The following CCDC138 variants were observed in gnomAD, a reference collection of about 807,000 sequenced individuals.
CCDC138 encodes the protein coiled-coil domain-containing protein 138.
Under a neutral mutation model 82.3 loss-of-function variants are expected in CCDC138, and 66 were observed. The ratio of observed to expected loss-of-function variants is 0.80; its 90% CI spans 0.66 to 0.98. The LOEUF (loss-of-function observed/expected upper bound fraction) is 0.98. CCDC138 is among the 50% of genes least tolerant of loss of function. CCDC138 has a pLI of 0.00. For synonymous variants in CCDC138, 297 were observed against 265.4 expected (o/e 1.12, Z -1.16); for missense variants, 816 against 758.9 (o/e 1.08, Z -0.88).
chr2:108,838,276 A>G (rs1167047336), intron 10 of CCDC138, among the ~76,000 whole-genome samples: 3 of 152,222 alleles, frequency 2.0e-5, no homozygotes, highest in Non-Finnish European at 4.4e-5. Context: ...TCTCTCCCCA[A>G]CTGGAAAGGT....
rs3193141 is a variant in CCDC138 at position 108,876,546 on chromosome 2, T to A, written c.*293T>A. 137,178 of 188,828 alleles carry A rather than the reference T, an allele frequency of 0.73. 53,536 individuals carry two copies. Among genetic ancestry groups the A allele is most frequent in the East Asian group, 0.87 (6,897 of 7,928 alleles). The allele number at this position is 188,828 out of a possible 1,614,324, so 11.7% of individuals were successfully genotyped here. On this transcript the variant is annotated 3_prime_UTR_variant, in exon 15 of 15. Transcript: ENST00000295124. ...AAAATTATTTCTTAAAATTATGTGA[T>A]TATTTGGAATAAAATTGGTGCTTAT... is the stretch of plus-strand genomic sequence containing the variant.
intron 6 of CCDC138, among the ~76,000 whole-genome samples, chr2:108,802,010 C>T (rs1200051580): frequency 1.6e-5 from 2 of 124,780 alleles, no homozygotes; most frequent in Non-Finnish European, 3.4e-5. Context: ...GTACCAGTAC[C>T]ATGCTGTTTT....
At chr2:108,843,886 CTTTTTT>C (rs57196170) in intron 11 of CCDC138, among the ~76,000 whole-genome samples, 3 of 94,018 alleles carry the variant, frequency 3.2e-5, no homozygotes, top group Non-Finnish European at 5.7e-5. Flanking sequence ...GTGTTTCTTT[CTTTTTT>C]TTTTTTTTTT....
intron 10 of CCDC138, among the ~76,000 whole-genome samples, chr2:108,819,285 G>A (rs191794850): frequency 1.3e-5 from 2 of 152,246 alleles, no homozygotes; most frequent in East Asian, 1.9e-4. Flanking sequence ...TTCCCCTGCC[G>A]GTATAGCGCA....
chr2:108,836,974 C>T (rs1688670087), intron 10 of CCDC138, among the ~76,000 whole-genome samples: 1 of 151,440 alleles, frequency 6.6e-6, no homozygotes, highest in Non-Finnish European at 1.5e-5. Context: ...ATCTTTAGGA[C>T]TTTCGACATA....
intron 12 of CCDC138, among the ~76,000 whole-genome samples, chr2:108,848,782 T>C (rs4676209): frequency 0.54 from 81,753 of 152,016 alleles, 26,940 homozygotes; most frequent in East Asian, 0.89. Flanking sequence ...ATTTATTTAA[T>C]AAATCAAAAT....
At chr2:108,856,754 C>T (rs1250924163) in intron 12 of CCDC138, 40 bp from the exon 13 acceptor site, 17 of 1,584,276 alleles carry the variant, frequency 1.1e-5, no homozygotes, top group Non-Finnish European at 1.5e-5. Context: ...GACACCTAGA[C>T]TAGCAAAACT....
At chr2:108,809,735 TC>T (rs1683475629) in intron 7 of CCDC138, among the ~76,000 whole-genome samples, 1 of 152,192 alleles carries the variant, frequency 6.6e-6, no homozygotes, top group Non-Finnish European at 1.5e-5. Flanking sequence ...GTGGAGTCTT[TC>T]GGTTTCTTTG....
At position 108,839,925 on chromosome 2, in the gene CCDC138, A is replaced by G. The variant is rs370087296; in HGVS notation, c.1323+624A>G. On this transcript the variant is annotated intron_variant, in intron 11 of 14. Transcript: ENST00000295124. ...GTATGTCGAATATGATGGTGAGAGT[A>G]GTCATCCTTGCCTTGTTTCTCCTCT... 5.9e-5 allele frequency among the ~76,000 whole-genome samples: 9 copies of G among 152,060 alleles called. No homozygotes were observed. In the East Asian group the frequency reaches 7.7e-4, roughly 13 times the overall value.
At chr2:108,846,072 G>T (rs1690420923) in intron 11 of CCDC138, among the ~76,000 whole-genome samples, 1 of 152,060 alleles carries the variant, frequency 6.6e-6, no homozygotes, top group Non-Finnish European at 1.5e-5. Flanking sequence ...ATCAGAGTTA[G>T]CTGAAGGGAC....
chr2:108,787,310 C>T (rs1679023898), intron 1 of CCDC138, among the ~76,000 whole-genome samples: 1 of 152,230 alleles, frequency 6.6e-6, no homozygotes, highest in African/African-American at 2.4e-5. Flanking sequence ...TGTACCCTCA[C>T]TTGCATTCAC....
intron 10 of CCDC138, among the ~76,000 whole-genome samples, chr2:108,834,875 A>G (rs969802756): frequency 3.9e-5 from 6 of 152,242 alleles, no homozygotes; most frequent in Non-Finnish European, 7.3e-5. Context: ...TTGTCACTTG[A>G]AAAGCATTTA....
chr2:108,796,262 G>A (rs1001745284), intron 5 of CCDC138, among the ~76,000 whole-genome samples: 12 of 151,156 alleles, frequency 7.9e-5, no homozygotes, highest in African/African-American at 2.9e-4. Flanking sequence ...CACTGTGTTA[G>A]CCAGGATGGT....
chr2:108,873,603 A>G lies in CCDC138; in HGVS notation c.1832+14A>G. 1 of 1,534,736 alleles carries G rather than the reference A, an allele frequency of 6.5e-7. No individual in the cohort carries two copies. Among genetic ancestry groups the G allele is most frequent in the Non-Finnish European group, 8.9e-7 (1 of 1,121,142 alleles). ...TTCCAAAATCAAGTAAGAATTTCTT[A>G]TTTCTAACATTTTTTATTGAAAAAT... On this transcript the variant is annotated intron_variant, in intron 14 of 14. Transcript: ENST00000295124.
chr2:108,827,334 C>T (rs72934043), intron 10 of CCDC138, among the ~76,000 whole-genome samples: 6,627 of 151,958 alleles, frequency 0.044, 482 homozygotes, highest in African/African-American at 0.15. Context: ...AATGTATTTA[C>T]AATACCAAAT....
rs1269422684 is a variant in CCDC138 at position 108,816,071 on chromosome 2, C to T, written c.1172C>T (p.Ser391Phe). ...DGKKPQLKFA[S>F]QRNDIQEKCV... is the part of the protein sequence containing the mutation. ...AAAAAACCACAACTCAAATTTGCTT[C>T]CCAGAGAAATGATATTCAGGAGAAG... is the stretch of plus-strand genomic sequence containing the variant. Residue 391 changes from serine (S) to phenylalanine (F), a missense_variant, in exon 10 of 15, where the codon TCC becomes TTC. Physicochemically the swap from Ser to Phe is radical, Grantham distance 155. Transcript: ENST00000295124. The T allele has an allele frequency of 6.2e-7, 1 of 1,612,690 alleles. No individual in the cohort carries two copies. Among genetic ancestry groups the T allele is most frequent in the Admixed American group, 1.7e-5 (1 of 59,766 alleles).
chr2:108,794,768 A>G (rs765206329), intron 5 of CCDC138, 47 bp downstream of exon 5: 1 of 1,412,580 alleles, frequency 7.1e-7, no homozygotes, highest in South Asian at 1.3e-5. Context: ...TTTATGTTCT[A>G]AGAACCAAGC....
downstream of CCDC138, among the ~76,000 whole-genome samples, chr2:108,880,472 G>A (rs933009526): frequency 6.6e-6 from 1 of 152,128 alleles, no homozygotes; most frequent in African/African-American, 2.4e-5. Context: ...AACTTCCTAG[G>A]TTTTCATAGC....
intron 7 of CCDC138, among the ~76,000 whole-genome samples, chr2:108,807,263 T>C (rs977146485): frequency 6.6e-6 from 1 of 152,340 alleles, no homozygotes; most frequent in Non-Finnish European, 1.5e-5. Flanking sequence ...AGAGAATTCC[T>C]AGCATAGGTC....
Sources: gnomAD v4.1 joint callset for allele counts (sites outside exome capture counted in the v4.1 genomes callset) on GRCh38, gnomAD v4.1.1 for gene constraint, MANE v1.5 for transcripts, NCBI Gene and HGNC (gene_info 2026-07-23, HGNC 2026-07-21) for gene names.